The following ADAMTS19 variants were observed in gnomAD, a reference collection of about 807,000 sequenced individuals.
ADAMTS19 encodes the protein ADAM metallopeptidase with thrombospondin type 1 motif 19.
In ADAMTS19, 93 loss-of-function variants were observed where a neutral mutation model predicts 153.3. The observed-to-expected ratio is 0.61, with a 90% CI of 0.51 to 0.72. The LOEUF (loss-of-function observed/expected upper bound fraction) is 0.72, where lower values mean the gene tolerates loss of function less well. ADAMTS19 is among the 30% of genes least tolerant of loss of function. The pLI is 0.00. For missense variants in ADAMTS19, 1,482 were observed against 1,552.1 expected, an observed-to-expected ratio of 0.95 and a Z score of 0.76; for synonymous variants, 600 against 556.6, an observed-to-expected ratio of 1.08 and a Z score of -1.10.
At chr5:129,641,536 A>G (rs1207226031) in intron 10 of ADAMTS19, among the ~76,000 whole-genome samples, 1 of 152,186 alleles carries the variant, frequency 6.6e-6, no homozygotes, top group Non-Finnish European at 1.5e-5. Flanking sequence ...CATGTGTCAT[A>G]GCATATAAAT....
chr5:129,674,317 G>A (rs1754455257), intron 16 of ADAMTS19, among the ~76,000 whole-genome samples: 1 of 151,510 alleles, frequency 6.6e-6, no homozygotes, highest in Non-Finnish European at 1.5e-5. Flanking sequence ...TTTAACCAAT[G>A]TATTTTTAAA....
chr5:129,601,292 C>T (rs1750638126), intron 8 of ADAMTS19, among the ~76,000 whole-genome samples: 1 of 152,066 alleles, frequency 6.6e-6, no homozygotes, highest in South Asian at 2.1e-4. Context: ...GTGATGAAGT[C>T]TAAAACTTTA....
chr5:129,460,313 CG>C lies in ADAMTS19; in HGVS notation c.-75del. 1 of 1,302,190 alleles carries C rather than the reference CG, an allele frequency of 7.7e-7. No homozygotes were observed. The highest frequency in any genetic ancestry group is 1.1e-6 in the Non-Finnish European group (1 of 923,330). The allele number at this position is 1,302,190 out of a possible 1,614,324, so 80.7% of individuals were successfully genotyped here. A position where few individuals can be genotyped will look rare whatever the true frequency, so the allele number is the denominator to read the frequency against. ...TTCGCCGCCCGGCCTCCTAGCGCTCCGGGGAGGCCGCTGCGCCCCGGAGTGG... is the reference window on the plus strand; with the variant it reads ...TTCGCCGCCCGGCCTCCTAGCGCTCCGGGAGGCCGCTGCGCCCCGGAGTGG... On this transcript the variant is annotated 5_prime_UTR_variant, in exon 1 of 23. Coordinates refer to ENST00000274487, the MANE Select transcript of ADAMTS19 (RefSeq NM_133638.6).
intron 21 of ADAMTS19, among the ~76,000 whole-genome samples, chr5:129,720,827 A>G (rs1489940823): frequency 1.3e-5 from 2 of 152,208 alleles, no homozygotes; most frequent in African/African-American, 2.4e-5. Flanking sequence ...AGAAGTGCCT[A>G]CGTTGCTTCT....
At chr5:129,498,155 T>G (rs763183315) in intron 2 of ADAMTS19, among the ~76,000 whole-genome samples, 11 of 152,026 alleles carry the variant, frequency 7.2e-5, no homozygotes, top group Non-Finnish European at 1.3e-4. Context: ...TGTATGTAGG[T>G]TTTCCTAATA....
intron 3 of ADAMTS19, among the ~76,000 whole-genome samples, chr5:129,510,192 T>A (rs1002906028): frequency 1.3e-5 from 2 of 151,898 alleles, no homozygotes; most frequent in Non-Finnish European, 2.9e-5. Flanking sequence ...TAAAATTGAT[T>A]ATGATACTTG....
intron 16 of ADAMTS19, among the ~76,000 whole-genome samples, chr5:129,669,291 C>T (rs1754193571): frequency 6.6e-6 from 1 of 151,960 alleles, no homozygotes; most frequent in Non-Finnish European, 1.5e-5. Context: ...AATCTCCTTG[C>T]TAATTATAGG....
chr5:129,603,931 T>C (rs183731316), intron 8 of ADAMTS19, among the ~76,000 whole-genome samples: 22 of 152,294 alleles, frequency 1.4e-4, no homozygotes, highest in African/African-American at 5.3e-4. Context: ...TTACTCAACC[T>C]ACTTCTGGGC....
In ADAMTS19 at chr5:129,622,500, C is replaced by T. The variant is rs901561905; in HGVS notation, c.1770+152C>T. The T allele has an allele frequency of 5.6e-6, 5 of 887,794 alleles. No individual in the cohort carries two copies. The Admixed American group carries it at 1.6e-4, about 29-fold the overall frequency. The allele number at this position is 887,794 out of a possible 1,614,324, so 55.0% of individuals were successfully genotyped here. Reference sequence around the variant, plus strand: ...TAAGAAAAGGTTTGTGCATTTTTTTCTTATACTTTGGAAGCGATAGAAATA... The same window carrying T: ...TAAGAAAAGGTTTGTGCATTTTTTTTTTATACTTTGGAAGCGATAGAAATA... On this transcript the variant is annotated intron_variant, in intron 10 of 22. Coordinates refer to ENST00000274487, the MANE Select transcript of ADAMTS19 (RefSeq NM_133638.6).
At chr5:129,643,504 G>A (rs1421921818) in intron 11 of ADAMTS19, among the ~76,000 whole-genome samples, 1 of 151,982 alleles carries the variant, frequency 6.6e-6, no homozygotes, top group Non-Finnish European at 1.5e-5. Flanking sequence ...AGGGATGGGT[G>A]AATATAACTT....
chr5:129,600,193 T>A (rs1355584847), intron 8 of ADAMTS19, among the ~76,000 whole-genome samples: 1 of 152,004 alleles, frequency 6.6e-6, no homozygotes, highest in African/African-American at 2.4e-5. Context: ...TATCTACAGA[T>A]TCTATGTGCA....
intron 21 of ADAMTS19, among the ~76,000 whole-genome samples, chr5:129,720,884 G>A (rs984392923): frequency 6.6e-6 from 1 of 152,218 alleles, no homozygotes; most frequent in African/African-American, 2.4e-5. Flanking sequence ...GCAGAGACAT[G>A]ATAATGGCTA....
Position 129,622,290 on chromosome 5 carries a change from C to A in ADAMTS19, c.1712C>A (p.Ala571Asp), listed in dbSNP as rs1320378187. 1.9e-6 allele frequency: 3 copies of A among 1,614,000 alleles called. No individual in the cohort carries two copies. The African/African-American group carries it at 4.0e-5, about 22-fold the overall frequency. Residue 571 changes from alanine to aspartate, a missense_variant, in exon 10 of 23, where the codon GCT becomes GAT. Around this residue, in one of 2 missense-constraint regions of ADAMTS19, gnomAD observed 866 missense variants for 827.7 expected, o/e 1.05. Transcript: ENST00000274487. ...PSKLPGMTYT[A>D]DEQCQILFGP... ...AAGCTGCCAGGGATGACATACACTGCTGATGAACAATGCCAGATCCTTTTT... is the reference window on the plus strand; with the variant it reads ...AAGCTGCCAGGGATGACATACACTGATGATGAACAATGCCAGATCCTTTTT...
In ADAMTS19 at chr5:129,607,329, A is replaced by G. The variant is rs451482; in HGVS notation, c.1478+10665A>G. Among the ~76,000 whole-genome samples, 1,445 of 152,296 alleles carry G rather than the reference A, an allele frequency of 9.5e-3. 14 individuals carry two copies. The highest frequency in any genetic ancestry group is 0.015 in the Non-Finnish European group (1,036 of 68,032). On this transcript the variant is annotated intron_variant, in intron 8 of 22. Coordinates refer to ENST00000274487, the MANE Select transcript of ADAMTS19 (RefSeq NM_133638.6). ...ATATTTACCTATATATAGGTTCCCA[A>G]CTGAATAGCAATCTCTGTGAAAATA...
At chr5:129,653,307 G>A (rs575998729) in intron 13 of ADAMTS19, among the ~76,000 whole-genome samples, 57 of 152,278 alleles carry the variant, frequency 3.7e-4, no homozygotes, top group African/African-American at 1.2e-3. Context: ...TAGTAATGTA[G>A]CATGGAAATT....
At position 129,645,885 on chromosome 5, in the gene ADAMTS19, A is replaced by ATTTTTTTTTTTTTTTTTTTT. The variant is rs529444004; in HGVS notation, c.1873-1878_1873-1859dup. ...CACATGGTTTCTTTCTCCTTTTCCA[A>ATTTTTTTTTTTTTTTTTTTT]TTTTTTTTTTTTTTTTTTTTTGAGA... On this transcript the variant is annotated intron_variant, in intron 11 of 22. Transcript: ENST00000274487. Among the ~76,000 whole-genome samples, 868 of 97,006 alleles carry ATTTTTTTTTTTTTTTTTTTT rather than the reference A, an allele frequency of 8.9e-3. 54 individuals carry two copies. Among genetic ancestry groups the ATTTTTTTTTTTTTTTTTTTT allele is most frequent in the Middle Eastern group, 0.02 (3 of 148 alleles). 63.6% of individuals were successfully genotyped at this position (97,006 alleles called of 152,430 possible). A position where few individuals can be genotyped will look rare whatever the true frequency, so the allele number is the denominator to read the frequency against.
chr5:129,524,183 A>C (rs1172575871), intron 3 of ADAMTS19, among the ~76,000 whole-genome samples: 1 of 152,156 alleles, frequency 6.6e-6, no homozygotes, highest in East Asian at 1.9e-4. Flanking sequence ...GATCTTCGAC[A>C]AACCTGACAA....
At chr5:129,719,955 A>G (rs185257733) in intron 21 of ADAMTS19, among the ~76,000 whole-genome samples, 4 of 152,094 alleles carry the variant, frequency 2.6e-5, no homozygotes, top group African/African-American at 9.6e-5. Flanking sequence ...CGGGAGAATC[A>G]CTTGAACCTG....
chr5:129,500,361 A>G (rs1284612119), intron 2 of ADAMTS19: 3 of 152,034 alleles, frequency 2.0e-5, no homozygotes, highest in African/African-American at 7.2e-5. Flanking sequence ...GCATTTTGGG[A>G]TATTATTGCT....
Sources: allele counts gnomAD v4.1 joint callset (sites outside exome capture counted in the v4.1 genomes callset), GRCh38; gene constraint gnomAD v4.1.1; regional missense constraint gnomAD v4.1.1; transcripts MANE v1.5; gene names NCBI Gene and HGNC (gene_info 2026-07-23, HGNC 2026-07-21).